Variants in SNX25 observed in about 807,000 individuals in gnomAD.
SNX25 encodes sorting nexin 25.
SNX25 carries 62 observed loss-of-function variants against 113.7 expected under a neutral mutation model. The ratio of observed to expected loss-of-function variants is 0.55; its 90% CI spans 0.44 to 0.67. SNX25 has a LOEUF of 0.67. Among genes scored for constraint, SNX25 ranks in the 30% least tolerant of loss-of-function variants. The probability of loss-of-function intolerance (pLI) is 0.00; values close to 1 mark genes in which losing one functional copy is unlikely to be tolerated. For missense variants in SNX25, 1,014 were observed against 1,161.0 expected, an observed-to-expected ratio of 0.87 and a Z score of 1.84; for synonymous variants, 421 against 436.2, an observed-to-expected ratio of 0.97 and a Z score of 0.43.
At position 185,330,983 on chromosome 4, in the gene SNX25, A is replaced by G. The variant is rs1366346060; in HGVS notation, c.1750-1612A>G. ...AAAGAGGTTATTCAAATTAATTAAA[A>G]TATCTATACTCAGCAGATAAATTGA... On this transcript the variant is annotated intron_variant, in intron 9 of 18. Coordinates refer to ENST00000652585, the MANE Select transcript of SNX25 (RefSeq NM_001378034.2). Among the ~76,000 whole-genome samples, 5 of 152,216 alleles carry G rather than the reference A, an allele frequency of 3.3e-5. No individual in the cohort carries two copies. In the South Asian group the frequency reaches 8.3e-4, roughly 25 times the overall value.
intron 14 of SNX25, among the ~76,000 whole-genome samples, chr4:185,352,558 C>A (rs569679319): frequency 1.3e-4 from 20 of 152,316 alleles, no homozygotes; most frequent in African/African-American, 4.6e-4. Context: ...TATTCCTGAA[C>A]CCCTGGAGTT....
chr4:185,266,865 A>G, intron 4 of SNX25, 104 bp from the exon 5 acceptor site: 1 of 1,116,086 alleles, frequency 9.0e-7, no homozygotes, highest in Non-Finnish European at 1.3e-6. Flanking sequence ...CTGTTTGACT[A>G]CTTGAAAAAT....
intron 5 of SNX25, among the ~76,000 whole-genome samples, chr4:185,278,179 C>T (rs76509628): frequency 0.023 from 3,429 of 152,296 alleles, 107 homozygotes; most frequent in African/African-American, 0.07. Flanking sequence ...CATCACTAAG[C>T]GGTAGCCACA....
At chr4:185,366,419 A>G (rs920662920), downstream of SNX25, 2 of 152,216 alleles carry the variant, frequency 1.3e-5, no homozygotes, top group African/African-American at 4.8e-5. Flanking sequence ...CATTCTGCAT[A>G]TGTATGTAGC....
At chr4:185,321,482 C>A (rs192464861) in intron 8 of SNX25, among the ~76,000 whole-genome samples, 67 of 152,114 alleles carry the variant, frequency 4.4e-4, no homozygotes, top group African/African-American at 1.5e-3. Context: ...AGACTGGTCG[C>A]GAACTCCTGA....
At chr4:185,246,529 A>G (rs1429437438) in intron 1 of SNX25, among the ~76,000 whole-genome samples, 1 of 152,074 alleles carries the variant, frequency 6.6e-6, no homozygotes, top group Non-Finnish European at 1.5e-5. Context: ...TCATTTGTTT[A>G]TCTTTTATGA....
upstream of SNX25, among the ~76,000 whole-genome samples, chr4:185,208,261 C>T (rs1737282020): frequency 6.6e-6 from 1 of 151,968 alleles, no homozygotes; most frequent in South Asian, 2.1e-4. Flanking sequence ...CATGATCTGC[C>T]CGCCTCAGCC....
intron 5 of SNX25, among the ~76,000 whole-genome samples, chr4:185,278,843 A>G (rs1750128062): frequency 1.3e-5 from 2 of 152,236 alleles, no homozygotes; most frequent in African/African-American, 4.8e-5. Flanking sequence ...TTATAGTCAT[A>G]CTAACAGCTG....
At chr4:185,333,900 C>G (rs1409365038) in intron 10 of SNX25, among the ~76,000 whole-genome samples, 2 of 151,254 alleles carry the variant, frequency 1.3e-5, no homozygotes, top group Non-Finnish European at 2.9e-5. Flanking sequence ...AAAAAAAAAT[C>G]AGCCCAGCAT....
chr4:185,215,168 G>A (rs1384864897), intron 1 of SNX25, among the ~76,000 whole-genome samples: 1 of 152,080 alleles, frequency 6.6e-6, no homozygotes, highest in Non-Finnish European at 1.5e-5. Context: ...GGCGGAGCTT[G>A]CAGTGAGCCG....
upstream of SNX25, among the ~76,000 whole-genome samples, chr4:185,205,260 CCTGA>C (rs2111444812): frequency 6.6e-6 from 1 of 152,226 alleles, no homozygotes; most frequent in African/African-American, 2.4e-5. Context: ...TCAAGACCAG[CCTGA>C]CTAATATGGT....
rs188652708 is a variant in SNX25, at chr4:185,224,368, A to T, written c.429+14113A>T. ...CTCCATCTCAAAATATATATATATA[A>T]AAATATATAGATATAAATATATAAA... On this transcript the variant is annotated intron_variant, in intron 1 of 18. Coordinates refer to ENST00000652585, the MANE Select transcript of SNX25 (RefSeq NM_001378034.2). Among the ~76,000 whole-genome samples the T allele has an allele frequency of 2.8e-3, 416 of 146,436 alleles. 1 individual carries two copies. Among genetic ancestry groups the T allele is most frequent in the African/African-American group, 8.7e-3 (350 of 40,318 alleles).
the SNX25 span, chr4:185,377,379 G>A: frequency 1.0e-5 from 2 of 195,062 alleles, no homozygotes; most frequent in South Asian, 1.1e-4. Flanking sequence ...TTAGCAGGGC[G>A]TGGTGGTGCA....
Position 185,210,049 on chromosome 4 carries a change from G to A in SNX25, c.223G>A (p.Gly75Arg). The A allele has an allele frequency of 3.0e-6, 3 of 983,904 alleles. No homozygotes were observed. Among genetic ancestry groups the A allele is most frequent in the Non-Finnish European group, 2.4e-6 (2 of 829,408 alleles). The allele number at this position is 983,904 out of a possible 1,614,324, so 60.9% of individuals were successfully genotyped here. The part of the protein sequence containing the change: ...ALAAVALSFL[G>R]PGSGEAAGAA... ...CGCCGCCGTGGCCCTCTCCTTCCTG[G>A]GGCCCGGCAGCGGGGAGGCGGCGGG... Residue 75 changes from glycine to arginine, a missense_variant, in exon 1 of 19, where the codon GGG becomes AGG. Transcript: ENST00000652585. This position sits in a 1 kb window ranked among gnomAD's most constrained non-coding sequence, Gnocchi z 4.4.
chr4:185,300,416 G>A (rs1272763139), intron 6 of SNX25, among the ~76,000 whole-genome samples: 4 of 149,588 alleles, frequency 2.7e-5, no homozygotes, highest in African/African-American at 4.9e-5. Flanking sequence ...TGATCCACCC[G>A]CCTCAGCCTC....
chr4:185,233,975 A>G (rs1206799594), intron 1 of SNX25, among the ~76,000 whole-genome samples: 1 of 152,106 alleles, frequency 6.6e-6, no homozygotes. Context: ...CTCCTGCCTC[A>G]GCCTCCCGAG....
rs2095376414 is a variant in SNX25 at position 185,363,651 on chromosome 4, A to G, written c.*186A>G. On this transcript the variant is annotated 3_prime_UTR_variant, in exon 19 of 19. Transcript: ENST00000652585. The surrounding 1 kb of genome is among the most constrained non-coding windows in gnomAD (Gnocchi z 4.2). The stretch of plus-strand genomic sequence containing the variant: ...TTATGCTGTGGTAGGCAACAGAAAA[A>G]AACTTCTATTGATTTTAATTTAATA... 2.1e-6 allele frequency: 1 copy of G among 482,528 alleles called. No homozygotes were observed. Among genetic ancestry groups the G allele is most frequent in the East Asian group, 3.1e-5 (1 of 32,412 alleles). 29.9% of individuals were successfully genotyped at this position (482,528 alleles called of 1,614,324 possible).
downstream of SNX25, among the ~76,000 whole-genome samples, chr4:185,368,830 G>C (rs1249522795): frequency 2.1e-5 from 3 of 145,780 alleles, no homozygotes; most frequent in Non-Finnish European, 4.5e-5. Context: ...GTCTCACTGT[G>C]TTGCCCAGGC....
chr4:185,276,796 A>G (rs1749763909), intron 5 of SNX25, among the ~76,000 whole-genome samples: 1 of 152,216 alleles, frequency 6.6e-6, no homozygotes, highest in African/African-American at 2.4e-5. Context: ...TGGCAGGTCC[A>G]GGATCCACCT....
Sources: gnomAD v4.1 joint callset for allele counts (sites outside exome capture counted in the v4.1 genomes callset) on GRCh38, gnomAD v4.1.1 for gene constraint, Gnocchi (gnomAD v3.1) non-coding constraint, MANE v1.5 for transcripts, NCBI Gene and HGNC (gene_info 2026-07-23, HGNC 2026-07-21) for gene names.